The following SEPTIN7 variants were observed in gnomAD, a reference collection of about 807,000 sequenced individuals.
The protein encoded by SEPTIN7 is septin-7.
In SEPTIN7, 10 loss-of-function variants were observed where a neutral mutation model predicts 63.3. The ratio of observed to expected loss-of-function variants is 0.16; its 90% CI spans 0.10 to 0.27. The LOEUF (loss-of-function observed/expected upper bound fraction) is 0.27, where lower values mean the gene tolerates loss of function less well. Among genes scored for constraint, SEPTIN7 ranks in the 10% least tolerant of loss-of-function variants. SEPTIN7 has a pLI of 1.00. For missense variants in SEPTIN7, 310 were observed against 521.0 expected (o/e 0.59, Z 3.94); for synonymous variants, 131 against 165.3 (o/e 0.79, Z 1.59).
chr7:35,811,446 T>G (rs975004648), intron 1 of SEPTIN7, among the ~76,000 whole-genome samples: 23 of 152,186 alleles, frequency 1.5e-4, no homozygotes, highest in African/African-American at 5.6e-4. Context: ...GTAAGTTAAT[T>G]TGTATTCTTT....
At chr7:35,896,896 G>T (rs184913110) in intron 11 of SEPTIN7, among the ~76,000 whole-genome samples, 1 of 152,224 alleles carries the variant, frequency 6.6e-6, no homozygotes, top group African/African-American at 2.4e-5. Context: ...CTTTGTTCTT[G>T]CCTTTTTGTT....
At chr7:35,839,705 C>T (rs1315628934) in intron 3 of SEPTIN7, among the ~76,000 whole-genome samples, 4 of 152,180 alleles carry the variant, frequency 2.6e-5, no homozygotes, top group Non-Finnish European at 5.9e-5. Context: ...GCGCCTGCCA[C>T]CATCACGCTC....
At chr7:35,846,860 CT>C (rs1784694250) in intron 3 of SEPTIN7, 1 of 152,312 alleles carries the variant, frequency 6.6e-6, no homozygotes, top group South Asian at 2.1e-4. Context: ...GAGTTCCTGG[CT>C]TGGGAACACT....
At chr7:35,842,126 C>T (rs1255801277) in intron 3 of SEPTIN7, among the ~76,000 whole-genome samples, 1 of 152,048 alleles carries the variant, frequency 6.6e-6, no homozygotes, top group Non-Finnish European at 1.5e-5. Flanking sequence ...GGTTTAGTCT[C>T]TCCCAAGGCA....
chr7:35,884,961 T>C (rs1001623534), intron 9 of SEPTIN7, among the ~76,000 whole-genome samples: 2 of 152,154 alleles, frequency 1.3e-5, no homozygotes, highest in African/African-American at 2.4e-5. Flanking sequence ...TATAGTAAGC[T>C]GAAACCAAAA....
At chr7:35,858,500 C>T (rs1785325144) in intron 3 of SEPTIN7, among the ~76,000 whole-genome samples, 2 of 151,860 alleles carry the variant, frequency 1.3e-5, no homozygotes, top group African/African-American at 4.8e-5. Context: ...GGATTACAGG[C>T]ATGCCCTGCC....
intron 1 of SEPTIN7, among the ~76,000 whole-genome samples, chr7:35,819,402 G>C (rs1251906463): frequency 6.6e-6 from 1 of 152,146 alleles, no homozygotes; most frequent in Non-Finnish European, 1.5e-5. Context: ...ATGTGCACTT[G>C]AGAAGATTGT....
chr7:35,882,511 A>G lies in SEPTIN7; in HGVS notation c.658A>G (p.Ile220Val). 1 of 1,477,416 alleles carries G rather than the reference A, an allele frequency of 6.8e-7. No homozygotes were observed. 91.5% of individuals were successfully genotyped at this position (1,477,416 alleles called of 1,614,324 possible). The change falls in exon 8 of 14, where the codon ATT becomes GTT. Residue 220 changes from isoleucine to valine, a missense_variant. Ile to Val is a conservative substitution (Grantham distance 29). Transcript: ENST00000350320. ...AATGAAAGAAATCCAAGAACATAAA[A>G]TTAAAATATACGAATTTCCAGAAAC... ...QIMKEIQEHK[I>V]KIYEFPETDD... is the part of the protein sequence containing the mutation.
downstream of SEPTIN7, among the ~76,000 whole-genome samples, chr7:35,910,201 A>G (rs1327216723): frequency 1.3e-5 from 2 of 152,210 alleles, no homozygotes; most frequent in Non-Finnish European, 2.9e-5. Context: ...TGATTTCCCA[A>G]TATGCTATTG....
In SEPTIN7 at chr7:35,801,073, G is replaced by A. The variant is rs1186941681; in HGVS notation, c.-137G>A. ...GGGAGCGGGAGTCGAGCGAGAGCCT[G>A]TGGAGGAGTCCGCCTGCTGTAGCGT... is the stretch of plus-strand genomic sequence containing the variant. On this transcript the variant is annotated 5_prime_UTR_variant, in exon 1 of 14. In the 5' UTR this introduces an upstream ATG that the reference lacks. Coordinates refer to ENST00000350320, the MANE Select transcript of SEPTIN7 (RefSeq NM_001788.6). 3.4e-6 allele frequency: 2 copies of A among 587,604 alleles called. No homozygotes were observed. Among genetic ancestry groups the A allele is most frequent in the African/African-American group, 2.0e-5 (1 of 50,746 alleles). 36.4% of individuals were successfully genotyped at this position (587,604 alleles called of 1,614,324 possible). A position where few individuals can be genotyped will look rare whatever the true frequency, so the allele number is the denominator to read the frequency against.
intron 3 of SEPTIN7, among the ~76,000 whole-genome samples, chr7:35,856,256 GCTT>G (rs1459192676): frequency 2.0e-5 from 3 of 152,062 alleles, no homozygotes; most frequent in African/African-American, 7.2e-5. Flanking sequence ...TTTTAGATTG[GCTT>G]CTTTCGCTCA....
chr7:35,824,396 C>T (rs1209896386), intron 1 of SEPTIN7, among the ~76,000 whole-genome samples: 11 of 152,134 alleles, frequency 7.2e-5, no homozygotes, highest in Non-Finnish European at 1.2e-4. Flanking sequence ...GGTGTTGCTT[C>T]TTGGCCTGCT....
At chr7:35,880,624 C>T (rs1297502873) in intron 7 of SEPTIN7, among the ~76,000 whole-genome samples, 3 of 151,774 alleles carry the variant, frequency 2.0e-5, no homozygotes, top group East Asian at 1.9e-4. Context: ...ATTTAGTTCT[C>T]TCTCATTTTC....
intron 6 of SEPTIN7, 60 bp downstream of exon 6, chr7:35,873,835 G>A: frequency 6.7e-7 from 1 of 1,487,244 alleles, no homozygotes; most frequent in Non-Finnish European, 9.3e-7. Flanking sequence ...TTACCTTTAT[G>A]TGCATACTTT....
At chr7:35,878,656 A>G (rs980050492) in intron 6 of SEPTIN7, among the ~76,000 whole-genome samples, 1 of 152,216 alleles carries the variant, frequency 6.6e-6, no homozygotes, top group Non-Finnish European at 1.5e-5. Flanking sequence ...CATCATGCAT[A>G]CACACATCTA....
rs1784707040 is a variant in SEPTIN7, at chr7:35,847,035, C to T, written c.169+14135C>T. ...TATTCCCATGCCAGTGCTCCAGCTG[C>T]TCAGGCTTGAAGGTATGTGAAATAA... On this transcript the variant is annotated intron_variant, in intron 3 of 13. Coordinates refer to ENST00000350320, the MANE Select transcript of SEPTIN7 (RefSeq NM_001788.6). The T allele has an allele frequency of 1.8e-5, 3 of 166,090 alleles. 1 individual carries two copies. In the South Asian group the frequency reaches 5.0e-4, roughly 28 times the overall value. 10.3% of individuals were successfully genotyped at this position (166,090 alleles called of 1,614,324 possible). A position where few individuals can be genotyped will look rare whatever the true frequency, so the allele number is the denominator to read the frequency against.
At chr7:35,872,604 C>G in intron 4 of SEPTIN7, 62 bp from the exon 5 acceptor site, 1 of 1,262,464 alleles carries the variant, frequency 7.9e-7, no homozygotes, top group Non-Finnish European at 1.2e-6. Context: ...CTACCATCAC[C>G]CCTTGTAGGA....
Position 35,895,904 on chromosome 7 carries a change from G to T in SEPTIN7, c.999-2344G>T, listed in dbSNP as rs533685530. ...TGGCTCACTGCAACCTCTGCCTCCT[G>T]GGTTCAAGCAATTCTCCTGTCTCAG... On this transcript the variant is annotated intron_variant, in intron 11 of 13. Coordinates refer to ENST00000350320, the MANE Select transcript of SEPTIN7 (RefSeq NM_001788.6). Among the ~76,000 whole-genome samples, 3 of 152,268 alleles carry T rather than the reference G, an allele frequency of 2.0e-5. No individual in the cohort carries two copies. The South Asian group carries it at 6.2e-4, about 32-fold the overall frequency.
At chr7:35,895,146 C>CA (rs1787884234) in intron 11 of SEPTIN7, among the ~76,000 whole-genome samples, 1 of 152,020 alleles carries the variant, frequency 6.6e-6, no homozygotes, top group East Asian at 1.9e-4. Flanking sequence ...AAAAAGCAGG[C>CA]AGGCAATAAT....
Sources: allele counts gnomAD v4.1 joint callset (sites outside exome capture counted in the v4.1 genomes callset), GRCh38; gene constraint gnomAD v4.1.1; transcripts MANE v1.5; gene names NCBI Gene and HGNC (gene_info 2026-07-23, HGNC 2026-07-21).